The following AHDC1 variants were observed in gnomAD, a reference collection of about 807,000 sequenced individuals.
AHDC1 encodes the protein AT-hook DNA binding motif containing 1.
AHDC1 carries 7 observed loss-of-function variants against 87.9 expected under a neutral mutation model. The observed-to-expected ratio is 0.08, with a 90% CI of 0.05 to 0.15. AHDC1 has a LOEUF of 0.15. Among genes scored for constraint, AHDC1 ranks in the 10% least tolerant of loss-of-function variants. The probability of loss-of-function intolerance (pLI) is 1.00; values close to 1 mark genes in which losing one functional copy is unlikely to be tolerated. For missense variants in AHDC1, 1,841 were observed against 2,253.2 expected, an observed-to-expected ratio of 0.82 and a Z score of 3.70; for synonymous variants, 1,051 against 1,006.8, an observed-to-expected ratio of 1.04 and a Z score of -0.83.
intron 3 of AHDC1, among the ~76,000 whole-genome samples, chr1:27,592,693 T>C (rs2089259624): frequency 6.7e-6 from 1 of 150,022 alleles, no homozygotes; most frequent in South Asian, 2.1e-4. Flanking sequence ...CTTGCACCCC[T>C]CTGGACTCGG....
Position 27,549,203 on chromosome 1 carries a change from G to A in AHDC1, c.2913C>T (p.Tyr971=), listed in dbSNP as rs776936156. The A allele has an allele frequency of 1.0e-5, 16 of 1,599,620 alleles. No individual in the cohort carries two copies. Among genetic ancestry groups the A allele is most frequent in the African/African-American group, 2.7e-5 (2 of 74,872 alleles). Reference sequence around the variant, plus strand: ...CGCTTTGTCCGGCCCCATAGCCGCCGTACTGGGGCAGGTAGGTGTTGGCAG... The same window carrying A: ...CGCTTTGTCCGGCCCCATAGCCGCCATACTGGGGCAGGTAGGTGTTGGCAG... ...HPPANTYLPQ[Y]GGYGAGQSVF... is the part of the protein sequence containing the mutation. The change falls in exon 8 of 9, where the codon TAC becomes TAT. Residue 971 remains tyrosine (Y), a synonymous_variant. Coordinates refer to ENST00000673934, the MANE Select transcript of AHDC1 (RefSeq NM_001371928.1).
rs376593773 is a variant in AHDC1, at chr1:27,548,303, C to A, written c.3813G>T (p.Pro1271=). ...PSKRSTGPRQ[P]RGGRGGGACS... ...AGGCCCCACCGCCCCGTCCACCTCGCGGCTGCCGGGGCCCAGTGCTCCGTT... is the reference window on the plus strand; with the variant it reads ...AGGCCCCACCGCCCCGTCCACCTCGAGGCTGCCGGGGCCCAGTGCTCCGTT... Residue 1271 remains proline (P), a synonymous_variant, in exon 8 of 9, where the codon CCG becomes CCT. Transcript: ENST00000673934. 1.9e-6 allele frequency: 3 copies of A among 1,606,174 alleles called. No individual in the cohort carries two copies. The highest frequency in any genetic ancestry group is 1.1e-5 in the South Asian group (1 of 90,950).
intron 3 of AHDC1, among the ~76,000 whole-genome samples, chr1:27,594,542 A>G (rs1345840712): frequency 6.6e-6 from 1 of 152,196 alleles, no homozygotes; most frequent in Non-Finnish European, 1.5e-5. Context: ...CAGGGTGCCC[A>G]GAGCACAGGG....
chr1:27,550,655 C>T lies in AHDC1; in HGVS notation c.1461G>A (p.Arg487=). ...ACACTTTGTATGTGGTCTTGTTCCG[C>T]CGCCCCAGCGATACGGGGATCTTGG... ...KMAKIPVSLG[R]RNKTTYKVSS... is the part of the protein sequence containing the mutation. Residue 487 remains arginine (R), a synonymous_variant, in exon 8 of 9, where the codon CGG becomes CGA. Transcript: ENST00000673934. 1.2e-6 allele frequency: 2 copies of T among 1,613,470 alleles called. No homozygotes were observed. Among genetic ancestry groups the T allele is most frequent in the Non-Finnish European group, 1.7e-6 (2 of 1,179,976 alleles).
chr1:27,595,716 T>G lies in AHDC1; in HGVS notation c.-629+7681A>C, dbSNP rs930976095. Among the ~76,000 whole-genome samples the G allele has an allele frequency of 2.0e-5, 3 of 151,682 alleles. No homozygotes were observed. The highest frequency in any genetic ancestry group is 7.3e-5 in the African/African-American group (3 of 41,204). On this transcript the variant is annotated intron_variant, in intron 3 of 8. Coordinates refer to ENST00000673934, the MANE Select transcript of AHDC1 (RefSeq NM_001371928.1). This position sits in a 1 kb window ranked among gnomAD's most constrained non-coding sequence, Gnocchi z 4.0. The stretch of plus-strand genomic sequence containing the variant: ...CCCTCCATACGTGGGAAGGGAAGAA[T>G]GGGTCTCTGATATCAGAGATGTGCC...
At chr1:27,568,751 G>A (rs1021034852) in intron 3 of AHDC1, among the ~76,000 whole-genome samples, 1 of 151,704 alleles carries the variant, frequency 6.6e-6, no homozygotes, top group Non-Finnish European at 1.5e-5. Flanking sequence ...CGCCCCTCAG[G>A]TGGGAGCCTG....
intron 3 of AHDC1, among the ~76,000 whole-genome samples, chr1:27,600,163 GTTGT>G (rs1409099365): frequency 1.3e-5 from 2 of 151,782 alleles, no homozygotes; most frequent in African/African-American, 4.8e-5. Flanking sequence ...CATGCATGTG[GTTGT>G]GGGTCGCTCC....
intron 3 of AHDC1, among the ~76,000 whole-genome samples, chr1:27,589,654 T>C (rs540490878): frequency 2.6e-5 from 4 of 152,288 alleles, no homozygotes; most frequent in African/African-American, 7.2e-5. Context: ...TGGAGATGCT[T>C]ATCTAGGTCT....
chr1:27,602,744 T>C (rs1201051498), intron 3 of AHDC1, among the ~76,000 whole-genome samples: 1 of 152,102 alleles, frequency 6.6e-6, no homozygotes, highest in Non-Finnish European at 1.5e-5. Context: ...TGAGCCGACT[T>C]TGTTCGCCAG....
In AHDC1 at chr1:27,602,994, C is replaced by A. The variant is rs981877898; in HGVS notation, c.-629+403G>T. Among the ~76,000 whole-genome samples the A allele has an allele frequency of 6.3e-5, 9 of 142,236 alleles. No individual in the cohort carries two copies. The East Asian group carries it at 7.1e-4, about 11-fold the overall frequency. 93.3% of individuals were successfully genotyped at this position (142,236 alleles called of 152,430 possible). A position where few individuals can be genotyped will look rare whatever the true frequency, so the allele number is the denominator to read the frequency against. The stretch of plus-strand genomic sequence containing the variant: ...CACGGTCCCCCCTTCATTCCCCCCC[C>A]CCCCACATTCTCAGCAAGCTGGAGA... On this transcript the variant is annotated intron_variant, in intron 3 of 8. Coordinates refer to ENST00000673934, the MANE Select transcript of AHDC1 (RefSeq NM_001371928.1).
chr1:27,566,992 T>G lies in AHDC1; in HGVS notation c.-628-8109A>C, dbSNP rs766827330. Among the ~76,000 whole-genome samples, 36 of 152,050 alleles carry G rather than the reference T, an allele frequency of 2.4e-4. 1 individual carries two copies. Among genetic ancestry groups the G allele is most frequent in the Non-Finnish European group, 2.8e-4 (19 of 67,928 alleles). On this transcript the variant is annotated intron_variant, in intron 3 of 8. Coordinates refer to ENST00000673934, the MANE Select transcript of AHDC1 (RefSeq NM_001371928.1). Reference sequence around the variant, plus strand: ...CCTCGGGGCTCTACCAGGAAGAAAGTTTCCAGAGAGCCACAGAGATGCTGG... The same window carrying G: ...CCTCGGGGCTCTACCAGGAAGAAAGGTTCCAGAGAGCCACAGAGATGCTGG...
At chr1:27,575,947 C>A (rs1167407578) in intron 3 of AHDC1, among the ~76,000 whole-genome samples, 3 of 151,856 alleles carry the variant, frequency 2.0e-5, no homozygotes, top group Non-Finnish European at 4.4e-5. Flanking sequence ...CGATCCGGGT[C>A]GGGCTCGGGC....
At chr1:27,554,248 A>G (rs976461859) in intron 5 of AHDC1, among the ~76,000 whole-genome samples, 1 of 152,108 alleles carries the variant, frequency 6.6e-6, no homozygotes, top group South Asian at 2.1e-4. Context: ...TTCCACCTTC[A>G]TCGGAAAAAC....
chr1:27,550,960 G>A lies in AHDC1; in HGVS notation c.1156C>T (p.Arg386Cys), dbSNP rs199509734. ...PEGHPKYALR[R>C]TDRPKILCRR... is the part of the protein sequence containing the mutation. ...CACAGGATCTTTGGCCTATCAGTGC[G>A]CCGCAAGGCGTACTTGGGGTGACCC... Residue 386 changes from arginine to cysteine, a missense_variant, in exon 8 of 9, where the codon CGC (arginine) becomes TGC (cysteine). Coordinates refer to ENST00000673934, the MANE Select transcript of AHDC1 (RefSeq NM_001371928.1). The A allele has an allele frequency of 7.5e-6, 12 of 1,596,688 alleles. No individual in the cohort carries two copies. Among genetic ancestry groups the A allele is most frequent in the East Asian group, 4.5e-5 (2 of 44,668 alleles).
At chr1:27,581,649 C>G (rs1039771354) in intron 3 of AHDC1, among the ~76,000 whole-genome samples, 2 of 152,204 alleles carry the variant, frequency 1.3e-5, no homozygotes, top group Non-Finnish European at 2.9e-5. Flanking sequence ...TGGGCTCCCC[C>G]ACCTCCAGTC....
rs906257182 is a variant in AHDC1 at position 27,551,776 on chromosome 1, C to T, written c.340G>A (p.Gly114Arg). The change falls in exon 8 of 9, where the codon GGG becomes AGG. Residue 114 changes from glycine to arginine, a missense_variant. Around this residue, in one of 13 missense-constraint regions of AHDC1, gnomAD observed 50 missense variants for 104.3 expected, o/e 0.48. Coordinates refer to ENST00000673934, the MANE Select transcript of AHDC1 (RefSeq NM_001371928.1). The part of the protein sequence containing the change: ...GSSSRRCWDN[G>R]RVNLRPVVQL... ...ACCACTGGTCGCAGGTTCACCCGCC[C>T]GTTGTCCCAGCAGCGTCGGGAGCTG... The T allele has an allele frequency of 1.1e-5, 17 of 1,613,350 alleles. 1 individual carries two copies. Among genetic ancestry groups the T allele is most frequent in the Middle Eastern group, 3.3e-4 (2 of 6,084 alleles).
At chr1:27,569,752 G>A (rs899465214) in intron 3 of AHDC1, among the ~76,000 whole-genome samples, 12 of 152,136 alleles carry the variant, frequency 7.9e-5, no homozygotes, top group African/African-American at 2.9e-4. Flanking sequence ...CCTGACCCCC[G>A]GATGACAAAG....
chr1:27,574,920 T>C (rs959639596), intron 3 of AHDC1, among the ~76,000 whole-genome samples: 27 of 152,228 alleles, frequency 1.8e-4, no homozygotes, highest in Non-Finnish European at 7.3e-5. Context: ...CTCTGGACTC[T>C]GGGGCCTGCA....
chr1:27,543,740 C>T (rs575687789), intron 8 of AHDC1, among the ~76,000 whole-genome samples: 96 of 152,158 alleles, frequency 6.3e-4, no homozygotes, highest in Non-Finnish European at 3.2e-4. Context: ...GTCAGGAGTT[C>T]GAGAACAGCC....
Sources: allele counts gnomAD v4.1 joint callset (sites outside exome capture counted in the v4.1 genomes callset), GRCh38; gene constraint gnomAD v4.1.1; regional missense constraint gnomAD v4.1.1; non-coding constraint Gnocchi (gnomAD v3.1); transcripts MANE v1.5; gene names NCBI Gene and HGNC (gene_info 2026-07-23, HGNC 2026-07-21).